Variants in VPS45 observed in about 807,000 individuals in gnomAD.
VPS45 encodes the protein vacuolar protein sorting 45 homolog.
VPS45 carries 35 observed loss-of-function variants against 75.9 expected under a neutral mutation model. That is an observed-to-expected ratio of 0.46 (90% CI 0.35 to 0.61). VPS45 has a LOEUF of 0.61. Ranked by LOEUF, VPS45 falls within the 20% of genes least tolerant of loss-of-function variation. The probability of loss-of-function intolerance (pLI) is 0.00; values close to 1 mark genes in which losing one functional copy is unlikely to be tolerated. For missense variants in VPS45, 559 were observed against 685.9 expected, an observed-to-expected ratio of 0.81 and a Z score of 2.07; for synonymous variants, 220 against 238.2, an observed-to-expected ratio of 0.92 and a Z score of 0.70.
At chr1:150,084,251 T>C (rs1469468777) in intron 10 of VPS45, among the ~76,000 whole-genome samples, 1 of 152,206 alleles carries the variant, frequency 6.6e-6, no homozygotes, top group Admixed American at 6.5e-5. Flanking sequence ...TAAGAATTTA[T>C]ACCTGCTGAG....
At chr1:150,101,447 A>G (rs1365194963) in intron 13 of VPS45, among the ~76,000 whole-genome samples, 1 of 152,132 alleles carries the variant, frequency 6.6e-6, no homozygotes, top group Non-Finnish European at 1.5e-5. Flanking sequence ...TAAAAAGTCA[A>G]AAAATAGGCT....
chr1:150,085,457 T>C (rs1265718985), intron 10 of VPS45, among the ~76,000 whole-genome samples: 5 of 152,198 alleles, frequency 3.3e-5, no homozygotes, highest in Non-Finnish European at 5.9e-5. Flanking sequence ...TTTTTATTTT[T>C]AGAACTTATC....
chr1:150,118,445 G>T (rs587718622), intron 14 of VPS45, among the ~76,000 whole-genome samples: 1 of 151,486 alleles, frequency 6.6e-6, no homozygotes, highest in Non-Finnish European at 1.5e-5. Context: ...TTGCTCTGTC[G>T]CCCAGGCTGG....
intron 10 of VPS45, among the ~76,000 whole-genome samples, chr1:150,084,258 T>C (rs1655886324): frequency 6.6e-6 from 1 of 152,154 alleles, no homozygotes; most frequent in South Asian, 2.1e-4. Flanking sequence ...TTATACCTGC[T>C]GAGATAAGCA....
chr1:150,131,976 G>T (rs587727552), intron 14 of VPS45, among the ~76,000 whole-genome samples: 10 of 152,258 alleles, frequency 6.6e-5, no homozygotes, highest in African/African-American at 2.4e-4. Flanking sequence ...AGAGACCAAT[G>T]AATAAATGAG....
intron 14 of VPS45, among the ~76,000 whole-genome samples, chr1:150,112,761 G>A (rs1204520691): frequency 1.3e-5 from 2 of 152,180 alleles, no homozygotes; most frequent in African/African-American, 4.8e-5. Context: ...GGGAGTGACT[G>A]GTTGTAAATC....
chr1:150,084,729 G>T (rs1655909238), intron 10 of VPS45, among the ~76,000 whole-genome samples: 1 of 152,094 alleles, frequency 6.6e-6, no homozygotes, highest in African/African-American at 2.4e-5. Context: ...TTTGGACCCA[G>T]ACTGGCTTGG....
chr1:150,144,487 A>AG (rs1352988894), intron 14 of VPS45, among the ~76,000 whole-genome samples: 1 of 151,604 alleles, frequency 6.6e-6, no homozygotes, highest in Admixed American at 6.6e-5. Flanking sequence ...TAATTCTAAA[A>AG]AAAAAATGAA....
intron 12 of VPS45, among the ~76,000 whole-genome samples, chr1:150,092,837 CTTTTTTTTT>C (rs11451750): frequency 1.1e-5 from 1 of 94,432 alleles, no homozygotes; most frequent in East Asian, 3.2e-4. Context: ...GCTAGCCTTT[CTTTTTTTTT>C]TTTTTTTTTT....
chr1:150,103,372 T>C (rs1657145950), intron 13 of VPS45, among the ~76,000 whole-genome samples: 1 of 152,200 alleles, frequency 6.6e-6, no homozygotes, highest in African/African-American at 2.4e-5. Context: ...AACATTGTTT[T>C]TCATAGACGT....
At position 150,101,735 on chromosome 1, in the gene VPS45, GA is replaced by G. The variant is rs34957236; in HGVS notation, c.1493+8099del. Among the ~76,000 whole-genome samples, 902 of 140,746 alleles carry G rather than the reference GA, an allele frequency of 6.4e-3. 4 individuals are homozygous for G. The highest frequency in any genetic ancestry group is 0.021 in the African/African-American group (802 of 38,494). The allele number at this position is 140,746 out of a possible 152,430, so 92.3% of individuals were successfully genotyped here. A position where few individuals can be genotyped will look rare whatever the true frequency, so the allele number is the denominator to read the frequency against. ...GGGCGACAGAGCAAGACTCCACCTT[GA>G]AAAAAAAAAAAGTCAAAAATAACAG... On this transcript the variant is annotated intron_variant, in intron 13 of 14. Coordinates refer to ENST00000644510, the MANE Select transcript of VPS45 (RefSeq NM_007259.5).
At chr1:150,094,267 A>G (rs377077723) in intron 13 of VPS45, among the ~76,000 whole-genome samples, 19 of 310 alleles carry the variant, frequency 0.061, no homozygotes, top group Non-Finnish European at 0.083. Flanking sequence ...TAAAAATTAT[A>G]TATTTTTTTT....
intron 10 of VPS45, among the ~76,000 whole-genome samples, chr1:150,087,470 AAAT>A (rs1656077599): frequency 6.6e-6 from 1 of 152,232 alleles, no homozygotes; most frequent in Non-Finnish European, 1.5e-5. Context: ...TCCAACAGAT[AAAT>A]ACTACCGTGT....
At chr1:150,133,264 T>A (rs1258331145) in intron 14 of VPS45, among the ~76,000 whole-genome samples, 1 of 152,116 alleles carries the variant, frequency 6.6e-6, no homozygotes. Context: ...AATTAAAAGA[T>A]GAAGGCCAGG....
intron 14 of VPS45, among the ~76,000 whole-genome samples, chr1:150,139,640 T>C (rs1291049684): frequency 6.6e-6 from 1 of 152,150 alleles, no homozygotes; most frequent in Non-Finnish European, 1.5e-5. Context: ...CTCTAAATCC[T>C]GGGCTCATGC....
intron 14 of VPS45, among the ~76,000 whole-genome samples, chr1:150,116,072 G>C (rs587663794): frequency 6.6e-6 from 1 of 152,130 alleles, no homozygotes; most frequent in Non-Finnish European, 1.5e-5. Flanking sequence ...TTTATTACAA[G>C]ATAATTTTCA....
chr1:150,069,240 A>C (rs1488881863), intron 2 of VPS45, among the ~76,000 whole-genome samples: 1 of 152,116 alleles, frequency 6.6e-6, no homozygotes, highest in East Asian at 1.9e-4. Flanking sequence ...GCCCATGTGT[A>C]TCCAGCCTTC....
At chr1:150,082,124 T>A (rs1365693346) in intron 9 of VPS45, 127 bp downstream of exon 9, 1 of 629,726 alleles carries the variant, frequency 1.6e-6, no homozygotes, top group Non-Finnish European at 2.8e-6. Context: ...GAGACTTATT[T>A]TCTGTAATGT....
At chr1:150,078,497 C>T (rs959455204) in intron 7 of VPS45, among the ~76,000 whole-genome samples, 3 of 152,280 alleles carry the variant, frequency 2.0e-5, no homozygotes, top group African/African-American at 4.8e-5. Context: ...CGGTCGCTCA[C>T]GCCTGTAATC....
Sources: allele counts gnomAD v4.1 joint callset (sites outside exome capture counted in the v4.1 genomes callset), GRCh38; gene constraint gnomAD v4.1.1; transcripts MANE v1.5; gene names NCBI Gene and HGNC (gene_info 2026-07-23, HGNC 2026-07-21).